ANK2: variants seen among roughly 807,000 people sequenced by gnomAD.
ANK2 encodes the protein ankyrin 2.
ANK2 carries 83 observed loss-of-function variants against 360.5 expected under a neutral mutation model. That is an observed-to-expected ratio of 0.23 (90% CI 0.19 to 0.28). The LOEUF is 0.28. Ranked by LOEUF, ANK2 falls within the 10% of genes least tolerant of loss-of-function variation. The pLI, the probability that ANK2 is intolerant of heterozygous loss-of-function variation, is 1.00. For synonymous variants in ANK2, 1,740 were observed against 1,759.5 expected, an observed-to-expected ratio of 0.99 and a Z score of 0.28; for missense variants, 4,201 against 4,795.7, an observed-to-expected ratio of 0.88 and a Z score of 3.66.
intron 22 of ANK2, among the ~76,000 whole-genome samples, chr4:113,296,199 C>G (rs891308695): frequency 5.3e-5 from 8 of 152,138 alleles, no homozygotes; most frequent in African/African-American, 1.9e-4. Context: ...ACTGTTTTCA[C>G]CTAATTTTCA....
chr4:112,737,619 A>G, the ANK2 span, among the ~76,000 whole-genome samples: 1 of 152,176 alleles, frequency 6.6e-6, no homozygotes, highest in South Asian at 2.1e-4. Flanking sequence ...CATGACTGGT[A>G]CATTGGTGCT....
At chr4:113,119,405 G>C (rs1461447614) in intron 1 of ANK2, among the ~76,000 whole-genome samples, 1 of 142,206 alleles carries the variant, frequency 7.0e-6, no homozygotes, top group African/African-American at 2.6e-5. Context: ...ACACACATAA[G>C]CACTGAACCA....
chr4:113,312,182 A>G (rs2080369570), intron 24 of ANK2, among the ~76,000 whole-genome samples: 1 of 146,498 alleles, frequency 6.8e-6, no homozygotes, highest in South Asian at 2.1e-4. Flanking sequence ...TGAGACCTGT[A>G]GTCTCAGCTA....
In ANK2 at chr4:113,278,542, C is replaced by A. The variant is rs1427014957; in HGVS notation, c.1865C>A (p.Pro622His). 6.2e-7 allele frequency: 1 copy of A among 1,613,916 alleles called. No homozygotes were observed. Among genetic ancestry groups the A allele is most frequent in the South Asian group, 1.1e-5 (1 of 91,078 alleles). Reference protein sequence around the residue: ...ALLLLEKGASPHATAKNGYTP... With the variant: ...ALLLLEKGASHHATAKNGYTP... Reference sequence around the variant, plus strand: ...CTGTTACTGGAGAAGGGTGCTTCCCCTCATGCCACTGCCAAGGTGAGGACC... The same window carrying A: ...CTGTTACTGGAGAAGGGTGCTTCCCATCATGCCACTGCCAAGGTGAGGACC... The change falls in exon 17 of 46, where the codon CCT becomes CAT. Residue 622 changes from proline (P) to histidine (H), a missense_variant. Physicochemically the swap from Pro to His is moderately conservative, Grantham distance 77. This residue lies in a region of ANK2 where 1,268 missense variants were observed against 1,650.8 expected (regional missense o/e 0.77). Transcript: ENST00000357077.
At chr4:112,773,768 C>A in the ANK2 span, among the ~76,000 whole-genome samples, 4 of 151,996 alleles carry the variant, frequency 2.6e-5, no homozygotes, top group Non-Finnish European at 4.4e-5. Context: ...TCTTTATCCA[C>A]CTAAGTAAAT....
At chr4:112,744,416 G>A in the ANK2 span, among the ~76,000 whole-genome samples, 11 of 146,292 alleles carry the variant, frequency 7.5e-5, no homozygotes, top group Admixed American at 5.6e-4. Context: ...GCACGACCTC[G>A]GCTCACTGTA....
chr4:113,240,539 A>G lies in ANK2; in HGVS notation c.748A>G (p.Thr250Ala). ...ACATTACGGAAATGTCAACGTGGCA[A>G]CTCTTCTTCTAAACCGGGGAGCTGC... ...AAHYGNVNVA[T>A]LLLNRGAAVD... The change falls in exon 8 of 46, where the codon ACT becomes GCT. Residue 250 changes from threonine (T) to alanine (A), a missense_variant. By Grantham distance (58) the Thr-to-Ala change is moderately conservative. This residue lies in a region of ANK2 where 122 missense variants were observed against 239.3 expected (regional missense o/e 0.51). Transcript: ENST00000357077. 1 of 1,613,804 alleles carries G rather than the reference A, an allele frequency of 6.2e-7. No individual in the cohort carries two copies. The highest frequency in any genetic ancestry group is 8.5e-7 in the Non-Finnish European group (1 of 1,179,876).
Position 112,962,733 on chromosome 4 carries a change from T to A in ANK2, c.21+58219T>A, listed in dbSNP as rs146381673. 2.6e-5 allele frequency among the ~76,000 whole-genome samples: 4 copies of A among 152,144 alleles called. No homozygotes were observed. In the South Asian group the frequency reaches 8.3e-4, roughly 31 times the overall value. On this transcript the variant is annotated intron_variant, in intron 2 of 30. Transcript: ENST00000503271. ...AAGCCCTACCACCAAGCCTAATAAG[T>A]CAGAAGCTATAGGGAGAGGACTTTA...
At chr4:112,874,411 C>A (rs981004609) in intron 1 of ANK2, among the ~76,000 whole-genome samples, 9 of 150,716 alleles carry the variant, frequency 6.0e-5, no homozygotes, top group African/African-American at 2.2e-4. Flanking sequence ...TAAGCCAAGG[C>A]GGGCAGATTA....
chr4:112,783,816 A>G, the ANK2 span, among the ~76,000 whole-genome samples: 1 of 151,652 alleles, frequency 6.6e-6, no homozygotes, highest in African/African-American at 2.4e-5. Context: ...CGTCCAGCTA[A>G]TTTTTTGTAT....
chr4:112,842,939 G>A (rs2062460645), intron 1 of ANK2, among the ~76,000 whole-genome samples: 1 of 152,244 alleles, frequency 6.6e-6, no homozygotes, highest in African/African-American at 2.4e-5. Flanking sequence ...AGGCTCTAGG[G>A]AGAATCTGTT....
At chr4:113,211,728 G>A (rs994462420) in intron 4 of ANK2, among the ~76,000 whole-genome samples, 2 of 151,966 alleles carry the variant, frequency 1.3e-5, no homozygotes, top group Non-Finnish European at 2.9e-5. Flanking sequence ...AAATTCACAG[G>A]GTCAAGTGTC....
At chr4:113,239,102 A>G (rs1481642336) in intron 7 of ANK2, among the ~76,000 whole-genome samples, 1 of 152,198 alleles carries the variant, frequency 6.6e-6, no homozygotes, top group South Asian at 2.1e-4. Context: ...GACATTTTAT[A>G]AAATAACAGC....
At chr4:112,772,164 G>A in the ANK2 span, among the ~76,000 whole-genome samples, 3 of 152,164 alleles carry the variant, frequency 2.0e-5, no homozygotes, top group Admixed American at 6.6e-5. Flanking sequence ...TAAAGAAAAA[G>A]AAGTTTAATG....
At chr4:112,969,120 G>C (rs547450528) in intron 2 of ANK2, among the ~76,000 whole-genome samples, 3 of 152,114 alleles carry the variant, frequency 2.0e-5, no homozygotes, top group Admixed American at 6.6e-5. Context: ...GGTTCTAGGA[G>C]GTATTTTCCA....
intron 2 of ANK2, among the ~76,000 whole-genome samples, chr4:112,950,106 TTCAGTCTAATG>T (rs987194889): frequency 2.0e-5 from 3 of 152,126 alleles, no homozygotes; most frequent in African/African-American, 7.2e-5. Context: ...CACAAGGGTC[TTCAGTCTAATG>T]TCCCTCATCT....
intron 1 of ANK2, among the ~76,000 whole-genome samples, chr4:112,835,955 T>A (rs2060897866): frequency 6.6e-6 from 1 of 152,214 alleles, no homozygotes; most frequent in Non-Finnish European, 1.5e-5. Context: ...TAAATAGACC[T>A]TAGGTGCCCT....
At chr4:113,131,846 A>G (rs2096058193) in intron 1 of ANK2, among the ~76,000 whole-genome samples, 1 of 152,222 alleles carries the variant, frequency 6.6e-6, no homozygotes, top group African/African-American at 2.4e-5. Context: ...GTGTGAAACC[A>G]CATGCATTTT....
the ANK2 span, among the ~76,000 whole-genome samples, chr4:112,774,337 T>G: frequency 6.6e-6 from 1 of 151,962 alleles, no homozygotes; most frequent in African/African-American, 2.4e-5. Flanking sequence ...CCATCCTGGC[T>G]AACACGGTGA....
Sources: gnomAD v4.1 joint callset for allele counts (sites outside exome capture counted in the v4.1 genomes callset) on GRCh38, gnomAD v4.1.1 for gene constraint, gnomAD v4.1.1 regional missense constraint, MANE v1.5 for transcripts, NCBI Gene and HGNC (gene_info 2026-07-23, HGNC 2026-07-21) for gene names.